Variants in SHANK2 observed in about 807,000 individuals in gnomAD.
The protein encoded by SHANK2 is SH3 and multiple ankyrin repeat domains protein 2.
SHANK2 carries 43 observed loss-of-function variants against 133.7 expected under a neutral mutation model. The ratio of observed to expected loss-of-function variants is 0.32; its 90% CI spans 0.25 to 0.41. The LOEUF is 0.41. Among genes scored for constraint, SHANK2 ranks in the 10% least tolerant of loss-of-function variants. The pLI is 1.00. For missense variants in SHANK2, 1,994 were observed against 2,235.8 expected (o/e 0.89, Z 2.18); for synonymous variants, 1,017 against 952.8 (o/e 1.07, Z -1.24).
At chr11:71,184,960 G>A (rs1187070742) in intron 2 of SHANK2, among the ~76,000 whole-genome samples, 3 of 152,112 alleles carry the variant, frequency 2.0e-5, no homozygotes, top group Admixed American at 6.5e-5. Flanking sequence ...TGTTCCTGAC[G>A]CAGAGGCCAT....
rs577470719 is a variant in SHANK2, at chr11:70,920,340, G to A, written c.1108-23773C>T. 5.3e-5 allele frequency among the ~76,000 whole-genome samples: 8 copies of A among 152,082 alleles called. No individual in the cohort carries two copies. The South Asian group carries it at 6.2e-4, about 12-fold the overall frequency. The stretch of plus-strand genomic sequence containing the variant: ...AACTCTAAGCTCAAGCCAGCCTCCC[G>A]CCTTGGCCTCCCAAAGGGCTGGGTT... On this transcript the variant is annotated intron_variant, in intron 10 of 25. Transcript: ENST00000601538.
Position 70,501,944 on chromosome 11 carries a change from CCAAAAATTCAAAACAAAA to C in SHANK2, c.2279-31_2279-14del. On this transcript the variant is annotated splice_polypyrimidine_tract_variant and intron_variant, in intron 19 of 25. Transcript: ENST00000601538. Reference sequence around the variant, plus strand: ...TTACCTTTATCCACTAGTGAGAGGCCCAAAAATTCAAAACAAAACAATGTTAGATAAACAGAAAAGAGG... The same window carrying C: ...TTACCTTTATCCACTAGTGAGAGGCCCAATGTTAGATAAACAGAAAAGAGG... The C allele has an allele frequency of 6.4e-7, 1 of 1,557,652 alleles. No homozygotes were observed. Among genetic ancestry groups the C allele is most frequent in the East Asian group, 2.4e-5 (1 of 41,650 alleles).
intron 17 of SHANK2, among the ~76,000 whole-genome samples, chr11:70,563,430 C>T (rs1253742926): frequency 6.6e-6 from 1 of 152,038 alleles, no homozygotes; most frequent in East Asian, 1.9e-4. Context: ...TACATTTATT[C>T]TTCTGTTTAA....
At chr11:70,490,417 C>G (rs1446625184) in intron 22 of SHANK2, 30 bp from the exon 23 acceptor site, 2 of 1,567,634 alleles carry the variant, frequency 1.3e-6, no homozygotes, top group Non-Finnish European at 8.8e-7. Context: ...GGGTGAGACG[C>G]AGCCCTGGCC....
At position 70,666,410 on chromosome 11, in the gene SHANK2, C is replaced by A. The variant is rs188192777; in HGVS notation, c.1854-4732G>T. Among the ~76,000 whole-genome samples, 3 of 152,294 alleles carry A rather than the reference C, an allele frequency of 2.0e-5. No individual in the cohort carries two copies. The East Asian group carries it at 5.8e-4, about 29-fold the overall frequency. On this transcript the variant is annotated intron_variant, in intron 15 of 25. Coordinates refer to ENST00000601538, the MANE Select transcript of SHANK2 (RefSeq NM_012309.5). ...CAGACAGGGGGGTCTCACACGCAGG[C>A]CTTAGGAAGGGGCCTTTCTGGAGAC...
At chr11:70,725,563 C>T (rs995176853) in intron 14 of SHANK2, among the ~76,000 whole-genome samples, 6 of 152,162 alleles carry the variant, frequency 3.9e-5, no homozygotes, top group Non-Finnish European at 7.4e-5. Flanking sequence ...CACTATGGAC[C>T]GAGTCACTTG....
chr11:70,773,042 C>T (rs544284265), intron 14 of SHANK2, among the ~76,000 whole-genome samples: 4 of 152,302 alleles, frequency 2.6e-5, no homozygotes, highest in Non-Finnish European at 5.9e-5. Flanking sequence ...CTCCTCTAAT[C>T]CCCCAGTCTC....
chr11:70,791,234 G>A (rs1046965188), intron 14 of SHANK2, among the ~76,000 whole-genome samples: 19 of 152,100 alleles, frequency 1.2e-4, no homozygotes, highest in African/African-American at 3.4e-4. Flanking sequence ...TCACAAACGC[G>A]GTGGGCCAAC....
rs538074789 is a variant in SHANK2, at chr11:70,935,066, A to G, written c.1108-38499T>C. 9.2e-5 allele frequency among the ~76,000 whole-genome samples: 14 copies of G among 152,210 alleles called. 1 individual carries two copies. Among genetic ancestry groups the G allele is most frequent in the Admixed American group, 6.5e-4 (10 of 15,294 alleles). ...TGCGGTTTCAGTTACCTGCAGTCCA[A>G]TGCAATCCGAAAATATGAAACAAAA... On this transcript the variant is annotated intron_variant, in intron 10 of 25. Transcript: ENST00000601538.
At position 70,587,764 on chromosome 11, in the gene SHANK2, G is replaced by C. The variant is rs534435732; in HGVS notation, c.2061+72064C>G. ...CTGTCACCCAGGCTGGAGTACAGTG[G>C]CGAGATCACAGCTCACTGCAGCCTC... On this transcript the variant is annotated intron_variant, in intron 17 of 25. Coordinates refer to ENST00000601538, the MANE Select transcript of SHANK2 (RefSeq NM_012309.5). 3.3e-5 allele frequency among the ~76,000 whole-genome samples: 5 copies of C among 149,328 alleles called. No individual in the cohort carries two copies. In the East Asian group the frequency reaches 7.9e-4, roughly 24 times the overall value.
At chr11:70,692,320 C>A (rs986644832) in intron 15 of SHANK2, among the ~76,000 whole-genome samples, 4 of 152,154 alleles carry the variant, frequency 2.6e-5, no homozygotes, top group East Asian at 3.8e-4. Context: ...ATTTATATAG[C>A]ACATGCCTCT....
intron 15 of SHANK2, among the ~76,000 whole-genome samples, chr11:70,666,886 C>T (rs190913861): frequency 3.9e-4 from 59 of 152,174 alleles, no homozygotes; most frequent in African/African-American, 1.4e-3. Context: ...TGTAATCCAG[C>T]GGCGCACTCC....
chr11:70,797,335 G>A (rs1555049318), intron 14 of SHANK2, among the ~76,000 whole-genome samples: 1 of 152,182 alleles, frequency 6.6e-6, no homozygotes, highest in Non-Finnish European at 1.5e-5. Flanking sequence ...CTCCTTCATA[G>A]TTAAGTTTGG....
chr11:70,743,512 T>C (rs12276526), intron 14 of SHANK2, among the ~76,000 whole-genome samples: 13,823 of 152,302 alleles, frequency 0.091, 817 homozygotes, highest in South Asian at 0.29. Context: ...GTCTAGAGGA[T>C]TTTTGTTACA....
intron 11 of SHANK2, among the ~76,000 whole-genome samples, chr11:70,847,192 G>T (rs1949009887): frequency 6.6e-6 from 1 of 152,204 alleles, no homozygotes; most frequent in Non-Finnish European, 1.5e-5. Flanking sequence ...GGGAGACAGA[G>T]ACACAGGTCT....
chr11:70,502,817 C>T lies in SHANK2; in HGVS notation c.2176G>A (p.Asp726Asn), dbSNP rs781963676. 5.3e-6 allele frequency: 8 copies of T among 1,500,638 alleles called. No homozygotes were observed. Among genetic ancestry groups the T allele is most frequent in the East Asian group, 2.9e-5 (1 of 34,518 alleles). The allele number at this position is 1,500,638 out of a possible 1,614,324, so 93.0% of individuals were successfully genotyped here. A position where few individuals can be genotyped will look rare whatever the true frequency, so the allele number is the denominator to read the frequency against. Residue 726 changes from aspartate (D) to asparagine (N), a missense_variant, in exon 18 of 26, where the codon GAC (aspartate) becomes AAC (asparagine). This residue lies in a region of SHANK2 where 488 missense variants were observed against 642.6 expected (regional missense o/e 0.76). Coordinates refer to ENST00000601538, the MANE Select transcript of SHANK2 (RefSeq NM_012309.5). ...GTACCTTTCTTCCTGGCGGTGTCGT[C>T]GGGGTCCAGATTCCTGGTCACCGTG... The part of the protein sequence containing the change: ...VVTVTRNLDP[D>N]DTARKKAPPP...
At chr11:70,840,304 C>G (rs1948883374) in intron 11 of SHANK2, among the ~76,000 whole-genome samples, 1 of 152,222 alleles carries the variant, frequency 6.6e-6, no homozygotes, top group Admixed American at 6.5e-5. Context: ...GAGCATGAGG[C>G]AGAGATGCCC....
intron 13 of SHANK2, among the ~76,000 whole-genome samples, chr11:70,799,018 A>G (rs1221409438): frequency 6.6e-6 from 1 of 152,202 alleles, no homozygotes; most frequent in Non-Finnish European, 1.5e-5. Flanking sequence ...AAGCTGGGCA[A>G]GAACCGGAGG....
chr11:70,838,166 A>G (rs1948851973), intron 11 of SHANK2, among the ~76,000 whole-genome samples: 1 of 151,918 alleles, frequency 6.6e-6, no homozygotes, highest in African/African-American at 2.4e-5. Flanking sequence ...CTTCTGGAAG[A>G]CCTGGGGCAG....
Sources: allele counts gnomAD v4.1 joint callset (sites outside exome capture counted in the v4.1 genomes callset), GRCh38; gene constraint gnomAD v4.1.1; regional missense constraint gnomAD v4.1.1; transcripts MANE v1.5; gene names NCBI Gene and HGNC (gene_info 2026-07-23, HGNC 2026-07-21).